The following CAMTA1 variants were observed in gnomAD, a reference collection of about 807,000 sequenced individuals.
The protein encoded by CAMTA1 is calmodulin binding transcription activator 1.
CAMTA1 carries 27 observed loss-of-function variants against 170.9 expected under a neutral mutation model. That is an observed-to-expected ratio of 0.16 (90% CI 0.12 to 0.22). The LOEUF (loss-of-function observed/expected upper bound fraction) is 0.22, where lower values mean the gene tolerates loss of function less well. Among genes scored for constraint, CAMTA1 ranks in the 10% least tolerant of loss-of-function variants. CAMTA1 has a pLI of 1.00. For synonymous variants in CAMTA1, 833 were observed against 891.5 expected, an observed-to-expected ratio of 0.93 and a Z score of 1.17; for missense variants, 1,619 against 2,217.2, an observed-to-expected ratio of 0.73 and a Z score of 5.42.
At chr1:7,612,084 C>G (rs2150688003) in intron 6 of CAMTA1, among the ~76,000 whole-genome samples, 1 of 152,354 alleles carries the variant, frequency 6.6e-6, no homozygotes, top group South Asian at 2.1e-4. Context: ...CATCCACGGA[C>G]AGCTAAGTGT....
At chr1:7,394,065 G>C (rs2089019040) in intron 5 of CAMTA1, among the ~76,000 whole-genome samples, 1 of 152,136 alleles carries the variant, frequency 6.6e-6, no homozygotes, top group South Asian at 2.1e-4. Context: ...ATTCCATTGT[G>C]TATATGTACC....
rs1283618957 is a variant in CAMTA1, at chr1:7,300,316, C to T, written c.438+50690C>T. ...CCTTCCAGGCTCATTCCTGGTGCAG[C>T]AGATCACTTCCACATTTACTGCATC... On this transcript the variant is annotated intron_variant, in intron 5 of 22. Coordinates refer to ENST00000303635, the MANE Select transcript of CAMTA1 (RefSeq NM_015215.4). The surrounding 1 kb of genome is among the most constrained non-coding windows in gnomAD (Gnocchi z 4.1). Among the ~76,000 whole-genome samples the T allele has an allele frequency of 6.6e-6, 1 of 152,160 alleles. No individual in the cohort carries two copies. Among genetic ancestry groups the T allele is most frequent in the Non-Finnish European group, 1.5e-5 (1 of 68,030 alleles).
chr1:6,913,793 G>A (rs1287825714), intron 3 of CAMTA1, among the ~76,000 whole-genome samples: 1 of 151,916 alleles, frequency 6.6e-6, no homozygotes, highest in East Asian at 1.9e-4. Context: ...GGTTCTTAAG[G>A]CAGAGTAGGA....
At chr1:6,935,444 C>T (rs1685139858) in intron 3 of CAMTA1, among the ~76,000 whole-genome samples, 3 of 152,158 alleles carry the variant, frequency 2.0e-5, no homozygotes, top group African/African-American at 7.2e-5. Context: ...CATGCCACAT[C>T]TCTGTCTGCT....
At chr1:6,900,049 C>T (rs1676593371) in intron 3 of CAMTA1, among the ~76,000 whole-genome samples, 1 of 152,220 alleles carries the variant, frequency 6.6e-6, no homozygotes, top group Admixed American at 6.5e-5. Flanking sequence ...CTCCCTGCAG[C>T]TCTTTGAAAA....
chr1:7,378,521 T>C (rs2149046730), intron 5 of CAMTA1, among the ~76,000 whole-genome samples: 1 of 151,984 alleles, frequency 6.6e-6, no homozygotes, highest in South Asian at 2.1e-4. Flanking sequence ...CCGCACATGG[T>C]GTGTTTCATT....
intron 2 of CAMTA1, among the ~76,000 whole-genome samples, chr1:6,823,010 A>G (rs888827517): frequency 6.6e-6 from 1 of 152,200 alleles, no homozygotes; most frequent in Admixed American, 6.5e-5. Flanking sequence ...ATGGCTATTC[A>G]TATACAATTC....
At chr1:7,384,925 C>A (rs1056416236) in intron 5 of CAMTA1, among the ~76,000 whole-genome samples, 1 of 151,982 alleles carries the variant, frequency 6.6e-6, no homozygotes, top group Non-Finnish European at 1.5e-5. Flanking sequence ...TTCAGCCAGG[C>A]GAGCGTGGGG....
At chr1:7,489,444 G>A (rs1267225893) in intron 6 of CAMTA1, among the ~76,000 whole-genome samples, 1 of 152,182 alleles carries the variant, frequency 6.6e-6, no homozygotes, top group Non-Finnish European at 1.5e-5. Flanking sequence ...TGGCATGCAG[G>A]GCACTGGGGC....
chr1:7,075,110 C>T (rs531065000), intron 3 of CAMTA1, among the ~76,000 whole-genome samples: 96 of 152,300 alleles, frequency 6.3e-4, no homozygotes, highest in African/African-American at 2.2e-3. Flanking sequence ...TTCTGTATTT[C>T]TCTTGATTTA....
chr1:7,591,305 C>T (rs116633031), intron 6 of CAMTA1, among the ~76,000 whole-genome samples: 1,630 of 152,260 alleles, frequency 0.011, 42 homozygotes, highest in African/African-American at 0.037. Context: ...AAGTTCAGAT[C>T]AATTAAAACA....
chr1:7,590,917 A>G (rs757353229), intron 6 of CAMTA1, among the ~76,000 whole-genome samples: 3 of 152,224 alleles, frequency 2.0e-5, no homozygotes, highest in Non-Finnish European at 4.4e-5. Context: ...TTTTACTTTC[A>G]CATTTGCTCT....
At chr1:7,612,266 T>C (rs2095529046) in intron 6 of CAMTA1, among the ~76,000 whole-genome samples, 1 of 152,114 alleles carries the variant, frequency 6.6e-6, no homozygotes. Context: ...GATGGGGAGC[T>C]GGACAAGGGA....
chr1:7,690,758 T>C (rs976872271), intron 11 of CAMTA1, among the ~76,000 whole-genome samples: 3 of 152,198 alleles, frequency 2.0e-5, no homozygotes, highest in African/African-American at 4.8e-5. Flanking sequence ...GTTCCACAGA[T>C]GGGGATGCTC....
At chr1:7,062,664 GC>G (rs34617298) in intron 3 of CAMTA1, among the ~76,000 whole-genome samples, 110,075 of 151,992 alleles carry the variant, frequency 0.72, 40,697 homozygotes, top group African/African-American at 0.87. Flanking sequence ...TTCGTTTACT[GC>G]CGTCTGCCTC....
intron 3 of CAMTA1, among the ~76,000 whole-genome samples, chr1:7,078,058 A>C (rs1334344381): frequency 6.6e-6 from 1 of 152,220 alleles, no homozygotes; most frequent in Non-Finnish European, 1.5e-5. Context: ...TGGATTCAGA[A>C]TTTATCTCAA....
chr1:7,037,920 T>TTA lies in CAMTA1; in HGVS notation c.235-53383_235-53382insAT, dbSNP rs1553226337. Among the ~76,000 whole-genome samples the TTA allele has an allele frequency of 8.6e-5, 13 of 151,098 alleles. No individual in the cohort carries two copies. The East Asian group carries it at 1.4e-3, about 16-fold the overall frequency. On this transcript the variant is annotated intron_variant, in intron 3 of 22. Transcript: ENST00000303635. Reference sequence around the variant, plus strand: ...TATATATATTGGTTTGATCTTTATTTTTTTTTTTTTTGCCATATTTTAAAC... The same window carrying TTA: ...TATATATATTGGTTTGATCTTTATTTTATTTTTTTTTTTGCCATATTTTAAAC...
intron 5 of CAMTA1, among the ~76,000 whole-genome samples, chr1:7,319,355 C>T (rs949921879): frequency 6.6e-6 from 1 of 152,060 alleles, no homozygotes; most frequent in Admixed American, 6.6e-5. Context: ...GTGCTATTTT[C>T]GTGATAGTGA....
chr1:6,975,248 C>T (rs1340762980), intron 3 of CAMTA1, among the ~76,000 whole-genome samples: 3 of 152,204 alleles, frequency 2.0e-5, no homozygotes, highest in Non-Finnish European at 4.4e-5. Flanking sequence ...TGTCCCTGCT[C>T]TTGCGGGGCT....
Sources: gnomAD v4.1 joint callset for allele counts (sites outside exome capture counted in the v4.1 genomes callset) on GRCh38, gnomAD v4.1.1 for gene constraint, Gnocchi (gnomAD v3.1) non-coding constraint, MANE v1.5 for transcripts, NCBI Gene and HGNC (gene_info 2026-07-23, HGNC 2026-07-21) for gene names.